The following TSPAN18 variants were observed in gnomAD, a reference collection of about 807,000 sequenced individuals.
TSPAN18 encodes the protein tetraspanin-18.
A neutral mutation model predicts 27.3 loss-of-function variants in TSPAN18; 14 were observed. That is an observed-to-expected ratio of 0.51 (90% CI 0.34 to 0.80). The LOEUF is 0.80. Among genes scored for constraint, TSPAN18 ranks in the 30% least tolerant of loss-of-function variants. The pLI is 0.01. For missense variants in TSPAN18, 268 were observed against 323.9 expected, an observed-to-expected ratio of 0.83 and a Z score of 1.32; for synonymous variants, 143 against 136.5, an observed-to-expected ratio of 1.05 and a Z score of -0.33.
intron 2 of TSPAN18, among the ~76,000 whole-genome samples, chr11:44,802,183 A>T (rs1279298239): frequency 6.6e-6 from 1 of 151,884 alleles, no homozygotes; most frequent in East Asian, 2.0e-4. Flanking sequence ...GAGTTTGGGA[A>T]ATGGACAGTG....
intron 2 of TSPAN18, among the ~76,000 whole-genome samples, chr11:44,783,635 A>G (rs1380380074): frequency 6.6e-6 from 1 of 151,972 alleles, no homozygotes. Context: ...CTGACCTCGC[A>G]GTCCGCCTGC....
chr11:44,760,455 G>T (rs2134881896), intron 1 of TSPAN18, among the ~76,000 whole-genome samples: 1 of 152,326 alleles, frequency 6.6e-6, no homozygotes, highest in South Asian at 2.1e-4. Context: ...TCTGGGTTTT[G>T]GTTGCACAGG....
intron 5 of TSPAN18, among the ~76,000 whole-genome samples, chr11:44,910,649 A>C (rs771241486): frequency 3.9e-5 from 6 of 152,232 alleles, no homozygotes; most frequent in Non-Finnish European, 8.8e-5. Context: ...GTAGATATGC[A>C]ATTCTGAAAC....
chr11:44,815,469 A>T (rs1856801371), intron 2 of TSPAN18, among the ~76,000 whole-genome samples: 1 of 152,014 alleles, frequency 6.6e-6, no homozygotes, highest in Non-Finnish European at 1.5e-5. Flanking sequence ...TGTGGTCTGG[A>T]GGCCTGCCCA....
In TSPAN18 at chr11:44,844,733, G is replaced by A. The variant is rs1418827993; in HGVS notation, c.-152-15595G>A. On this transcript the variant is annotated intron_variant, in intron 2 of 9. Coordinates refer to ENST00000520358, the MANE Select transcript of TSPAN18 (RefSeq NM_130783.5). ...AGTTCTTTATATATTTCGGATATAA[G>A]TCTTTTCTTGTAGATAAGTGTTGCA... is the stretch of plus-strand genomic sequence containing the variant. Among the ~76,000 whole-genome samples, 3 of 152,264 alleles carry A rather than the reference G, an allele frequency of 2.0e-5. No homozygotes were observed. In the East Asian group the frequency reaches 5.8e-4, roughly 29 times the overall value.
At chr11:44,879,928 G>A (rs1156679042) in intron 3 of TSPAN18, among the ~76,000 whole-genome samples, 2 of 152,226 alleles carry the variant, frequency 1.3e-5, no homozygotes, top group African/African-American at 2.4e-5. Context: ...GACCTCCACT[G>A]TAGGCAAGAG....
intron 1 of TSPAN18, among the ~76,000 whole-genome samples, chr11:44,762,119 C>A (rs545306024): frequency 3.3e-5 from 5 of 152,228 alleles, no homozygotes; most frequent in Admixed American, 6.5e-5. Flanking sequence ...CCTCTGCCAA[C>A]TTCTAAACTT....
chr11:44,887,387 GC>G (rs754387047), intron 3 of TSPAN18, among the ~76,000 whole-genome samples: 1 of 152,230 alleles, frequency 6.6e-6, no homozygotes, highest in Non-Finnish European at 1.5e-5. Flanking sequence ...TACTCAAAGA[GC>G]ACTGGCTTTG....
chr11:44,841,442 G>A (rs12285136), intron 2 of TSPAN18, among the ~76,000 whole-genome samples: 16,956 of 151,732 alleles, frequency 0.11, 1,010 homozygotes, highest in Middle Eastern at 0.19. Flanking sequence ...CTTGAACCCA[G>A]GAGACAGAGA....
At chr11:44,856,533 T>C (rs1234769371) in intron 2 of TSPAN18, among the ~76,000 whole-genome samples, 1 of 152,152 alleles carries the variant, frequency 6.6e-6, no homozygotes, top group Non-Finnish European at 1.5e-5. Flanking sequence ...CATAATGATA[T>C]GAGGAACCCC....
chr11:44,868,201 C>G (rs992024400), intron 3 of TSPAN18, among the ~76,000 whole-genome samples: 1 of 152,180 alleles, frequency 6.6e-6, no homozygotes, highest in African/African-American at 2.4e-5. Context: ...GGCTGGAACC[C>G]AGGTGGCCAT....
intron 2 of TSPAN18, among the ~76,000 whole-genome samples, chr11:44,824,276 T>C (rs1361933444): frequency 6.6e-6 from 1 of 152,236 alleles, no homozygotes; most frequent in Non-Finnish European, 1.5e-5. Context: ...TTTTAATTTA[T>C]TGGTCCTGGC....
intron 8 of TSPAN18, among the ~76,000 whole-genome samples, chr11:44,921,630 C>T (rs1860140251): frequency 6.6e-6 from 1 of 152,142 alleles, no homozygotes; most frequent in African/African-American, 2.4e-5. Context: ...GCAGAGCATC[C>T]AGAGAGAAGG....
chr11:44,802,015 G>A (rs749746044), intron 2 of TSPAN18, among the ~76,000 whole-genome samples: 27 of 152,186 alleles, frequency 1.8e-4, no homozygotes, highest in Non-Finnish European at 3.7e-4. Flanking sequence ...CTGGGTGACA[G>A]AGTGAGACCT....
intron 2 of TSPAN18, among the ~76,000 whole-genome samples, chr11:44,795,211 G>T (rs1002363634): frequency 4.6e-5 from 7 of 151,910 alleles, no homozygotes; most frequent in African/African-American, 1.5e-4. Context: ...CGGTCCTCAC[G>T]CCAGCTGCTT....
At chr11:44,797,758 A>G (rs769859616) in intron 2 of TSPAN18, among the ~76,000 whole-genome samples, 65 of 152,180 alleles carry the variant, frequency 4.3e-4, no homozygotes, top group Non-Finnish European at 8.2e-4. Context: ...AGGAGCTCCT[A>G]AAGGCATGAA....
chr11:44,864,716 G>A (rs918324142), intron 3 of TSPAN18, among the ~76,000 whole-genome samples: 1 of 152,242 alleles, frequency 6.6e-6, no homozygotes, highest in Non-Finnish European at 1.5e-5. Flanking sequence ...TCACGGGGAA[G>A]ATGGGCTTGC....
At position 44,787,340 on chromosome 11, in the gene TSPAN18, T is replaced by A. The variant is rs76463039; in HGVS notation, c.-153+22828T>A. ...TTATGTAGTTAGTGAGGAACACAGT[T>A]GCAATTCAGAGTCACCTTATGTGGA... On this transcript the variant is annotated intron_variant, in intron 2 of 9. Coordinates refer to ENST00000520358, the MANE Select transcript of TSPAN18 (RefSeq NM_130783.5). Among the ~76,000 whole-genome samples the A allele has an allele frequency of 3.3e-5, 5 of 152,342 alleles. 1 individual carries two copies. The East Asian group carries it at 9.6e-4, about 29-fold the overall frequency.
chr11:44,878,644 C>T (rs1858406783), intron 3 of TSPAN18, among the ~76,000 whole-genome samples: 1 of 152,170 alleles, frequency 6.6e-6, no homozygotes. Context: ...CCTAATAGAA[C>T]ATTAATTCTT....
Sources: allele counts gnomAD v4.1 joint callset (sites outside exome capture counted in the v4.1 genomes callset), GRCh38; gene constraint gnomAD v4.1.1; transcripts MANE v1.5; gene names NCBI Gene and HGNC (gene_info 2026-07-23, HGNC 2026-07-21).